TENM4: variants seen among roughly 807,000 people sequenced by gnomAD.
TENM4 encodes teneurin-4.
A neutral mutation model predicts 243.3 loss-of-function variants in TENM4; 82 were observed. The observed-to-expected ratio is 0.34, with a 90% CI of 0.28 to 0.40. The LOEUF (loss-of-function observed/expected upper bound fraction) is 0.40, where lower values mean the gene tolerates loss of function less well. Among genes scored for constraint, TENM4 ranks in the 10% least tolerant of loss-of-function variants. TENM4 has a pLI of 1.00. For missense variants in TENM4, 3,138 were observed against 3,673.3 expected (o/e 0.85, Z 3.77); for synonymous variants, 1,412 against 1,456.3 (o/e 0.97, Z 0.69).
At chr11:78,985,874 G>A (rs149740435) in intron 6 of TENM4, among the ~76,000 whole-genome samples, 2,881 of 152,274 alleles carry the variant, frequency 0.019, 79 homozygotes, top group African/African-American at 0.053. Flanking sequence ...CTCCCCCTCT[G>A]GGTCTACAGG....
At chr11:79,360,773 C>T (rs920790368) in intron 1 of TENM4, among the ~76,000 whole-genome samples, 5 of 152,064 alleles carry the variant, frequency 3.3e-5, no homozygotes, top group African/African-American at 7.2e-5. Flanking sequence ...ATATACTGAG[C>T]GATCATCTTA....
intron 6 of TENM4, among the ~76,000 whole-genome samples, chr11:78,924,078 C>T (rs1331813049): frequency 6.6e-6 from 1 of 152,202 alleles, no homozygotes; most frequent in Non-Finnish European, 1.5e-5. Flanking sequence ...TTGTCTCAAA[C>T]TCCTGACCTC....
chr11:79,113,420 T>G (rs1461098756), intron 4 of TENM4, among the ~76,000 whole-genome samples: 1 of 111,048 alleles, frequency 9.0e-6, no homozygotes, highest in East Asian at 2.4e-4. Flanking sequence ...TGTGTGTGTG[T>G]TGTGTGTGTG....
At chr11:79,263,462 G>A (rs1368898504) in intron 2 of TENM4, among the ~76,000 whole-genome samples, 1 of 152,192 alleles carries the variant, frequency 6.6e-6, no homozygotes, top group Non-Finnish European at 1.5e-5. Context: ...TTTCCCAAGG[G>A]CATTGAGAAC....
intron 2 of TENM4, among the ~76,000 whole-genome samples, chr11:79,259,380 G>A (rs1461921017): frequency 6.6e-6 from 1 of 152,032 alleles, no homozygotes; most frequent in Non-Finnish European, 1.5e-5. Flanking sequence ...CCTAGGCATT[G>A]GACATACATC....
At chr11:78,713,809 A>T (rs1859458160) in intron 25 of TENM4, among the ~76,000 whole-genome samples, 1 of 151,998 alleles carries the variant, frequency 6.6e-6, no homozygotes, top group Non-Finnish European at 1.5e-5. Flanking sequence ...TTAAGACTGA[A>T]TTTTTTTACC....
At chr11:78,715,990 C>T (rs1393924723) in intron 25 of TENM4, among the ~76,000 whole-genome samples, 2 of 152,148 alleles carry the variant, frequency 1.3e-5, no homozygotes, top group East Asian at 1.9e-4. Context: ...CCATTCTGTC[C>T]CAGACACTGC....
intron 1 of TENM4, among the ~76,000 whole-genome samples, chr11:79,390,238 G>A (rs949135167): frequency 6.6e-6 from 1 of 152,186 alleles, no homozygotes; most frequent in African/African-American, 2.4e-5. Flanking sequence ...ACCTTCTTGG[G>A]ACCACCAAAG....
At chr11:79,117,314 G>T (rs1004323195) in intron 4 of TENM4, among the ~76,000 whole-genome samples, 5 of 152,132 alleles carry the variant, frequency 3.3e-5, no homozygotes, top group Non-Finnish European at 5.9e-5. Flanking sequence ...TATTCAAGGG[G>T]CATGCATCTT....
chr11:78,933,160 T>G (rs1196597817), intron 6 of TENM4, among the ~76,000 whole-genome samples: 4 of 152,112 alleles, frequency 2.6e-5, no homozygotes, highest in Admixed American at 6.5e-5. Context: ...TGGCTGCATC[T>G]GAGGTAAAAG....
At chr11:78,935,329 A>G (rs1165050077) in intron 6 of TENM4, among the ~76,000 whole-genome samples, 1 of 152,184 alleles carries the variant, frequency 6.6e-6, no homozygotes, top group Non-Finnish European at 1.5e-5. Flanking sequence ...GCAACTTTTA[A>G]GAGTTTCTTG....
intron 6 of TENM4, among the ~76,000 whole-genome samples, chr11:79,043,741 G>A (rs1400160331): frequency 1.3e-5 from 2 of 152,116 alleles, no homozygotes; most frequent in African/African-American, 4.8e-5. Flanking sequence ...GAACAAATAA[G>A]CCTAGAAAAA....
intron 32 of TENM4, among the ~76,000 whole-genome samples, chr11:78,665,129 C>CTCCT (rs905294892): frequency 7.3e-5 from 11 of 150,240 alleles, no homozygotes; most frequent in East Asian, 5.9e-4. Flanking sequence ...CAACAATAAT[C>CTCCT]TCCTTCCTTC....
chr11:79,418,794 G>A (rs1297664155), intron 1 of TENM4, among the ~76,000 whole-genome samples: 1 of 152,192 alleles, frequency 6.6e-6, no homozygotes, highest in Non-Finnish European at 1.5e-5. Flanking sequence ...TTACGTGGCT[G>A]TGTCTTCCAA....
Position 78,866,314 on chromosome 11 carries a change from G to C in TENM4, c.1085-3182C>G, listed in dbSNP as rs528674487. ...CATTAGAATCAATTATCTCATCTAA[G>C]TGTGCAACAGTGCTGTCTTGTTAAA... On this transcript the variant is annotated intron_variant, in intron 9 of 33. Coordinates refer to ENST00000278550, the MANE Select transcript of TENM4 (RefSeq NM_001098816.3). 3.7e-4 allele frequency among the ~76,000 whole-genome samples: 56 copies of C among 152,292 alleles called. No individual in the cohort carries two copies. In the South Asian group the frequency reaches 0.011, roughly 29 times the overall value.
chr11:79,184,568 T>A (rs1197118844), intron 3 of TENM4, among the ~76,000 whole-genome samples: 1 of 91,912 alleles, frequency 1.1e-5, no homozygotes, highest in Admixed American at 1.2e-4. Flanking sequence ...TTAGGGGGGG[T>A]GGGAACTCCT....
chr11:78,845,579 T>C (rs1858371829), intron 12 of TENM4, among the ~76,000 whole-genome samples: 1 of 152,192 alleles, frequency 6.6e-6, no homozygotes, highest in Non-Finnish European at 1.5e-5. Flanking sequence ...CACATGTTAC[T>C]TGCAGCTAGG....
chr11:79,335,408 T>C (rs1480690676), intron 1 of TENM4, among the ~76,000 whole-genome samples: 2 of 152,238 alleles, frequency 1.3e-5, no homozygotes, highest in Non-Finnish European at 2.9e-5. Context: ...TAGTTTGCTA[T>C]AAGGCAGGTT....
intron 6 of TENM4, among the ~76,000 whole-genome samples, chr11:78,984,431 C>T (rs781373191): frequency 1.4e-4 from 22 of 152,138 alleles, no homozygotes; most frequent in Non-Finnish European, 2.4e-4. Context: ...GGATTGCATT[C>T]GCCATTTGGG....
Sources: gnomAD v4.1 joint callset for allele counts (sites outside exome capture counted in the v4.1 genomes callset) on GRCh38, gnomAD v4.1.1 for gene constraint, MANE v1.5 for transcripts, NCBI Gene and HGNC (gene_info 2026-07-23, HGNC 2026-07-21) for gene names.